The following EEPD1 variants were observed in gnomAD, a reference collection of about 807,000 sequenced individuals.
EEPD1 encodes the protein endonuclease/exonuclease/phosphatase family domain-containing protein 1.
In EEPD1, 17 loss-of-function variants were observed where a neutral mutation model predicts 46.3. That is an observed-to-expected ratio of 0.37 (90% CI 0.25 to 0.55). EEPD1 has a LOEUF of 0.55. EEPD1 is among the 20% of genes least tolerant of loss of function. EEPD1 has a pLI of 0.83. For synonymous variants in EEPD1, 313 were observed against 315.6 expected, an observed-to-expected ratio of 0.99 and a Z score of 0.09; for missense variants, 673 against 745.6, an observed-to-expected ratio of 0.90 and a Z score of 1.13.
At chr7:36,252,832 T>C (rs1301517789) in intron 3 of EEPD1, among the ~76,000 whole-genome samples, 2 of 18,000 alleles carry the variant, frequency 1.1e-4, no homozygotes, top group Non-Finnish European at 3.4e-4. Context: ...TTCTCTCCTT[T>C]TTTTTTTTTT....
At chr7:36,263,572 A>G (rs1786966249) in intron 3 of EEPD1, among the ~76,000 whole-genome samples, 1 of 152,190 alleles carries the variant, frequency 6.6e-6, no homozygotes, top group South Asian at 2.1e-4. Context: ...CAGGGGTCAG[A>G]AGTGTCCAGG....
intron 2 of EEPD1, among the ~76,000 whole-genome samples, chr7:36,222,558 G>A (rs1379178158): frequency 6.6e-6 from 1 of 152,066 alleles, no homozygotes; most frequent in Admixed American, 6.6e-5. Context: ...AATGTTTGTT[G>A]CAGATCCTTC....
intron 3 of EEPD1, among the ~76,000 whole-genome samples, chr7:36,257,194 T>C (rs2115822402): frequency 6.6e-6 from 1 of 152,292 alleles, no homozygotes; most frequent in South Asian, 2.1e-4. Context: ...GGATCAGCTG[T>C]TAGTCTGATG....
chr7:36,189,354 A>G (rs905091074), intron 2 of EEPD1, among the ~76,000 whole-genome samples: 2 of 152,242 alleles, frequency 1.3e-5, no homozygotes, highest in Admixed American at 6.5e-5. Context: ...TCCAAATGCT[A>G]AGAAAAACAA....
chr7:36,293,460 C>A (rs1354108223), intron 6 of EEPD1, among the ~76,000 whole-genome samples: 2 of 152,144 alleles, frequency 1.3e-5, no homozygotes, highest in Non-Finnish European at 2.9e-5. Context: ...GATGCTAAAT[C>A]AGAATCTCTA....
At chr7:36,169,184 A>C (rs971726123) in intron 2 of EEPD1, among the ~76,000 whole-genome samples, 1 of 152,180 alleles carries the variant, frequency 6.6e-6, no homozygotes, top group Non-Finnish European at 1.5e-5. Flanking sequence ...AAGAACATTC[A>C]TGTACAAGTT....
chr7:36,162,171 G>A (rs1171387891), intron 2 of EEPD1, among the ~76,000 whole-genome samples: 1 of 152,166 alleles, frequency 6.6e-6, no homozygotes, highest in African/African-American at 2.4e-5. Flanking sequence ...AATCTTAGCA[G>A]CTTCCTCACC....
chr7:36,194,557 C>T (rs1773408338), intron 2 of EEPD1, among the ~76,000 whole-genome samples: 1 of 152,182 alleles, frequency 6.6e-6, no homozygotes, highest in Admixed American at 6.5e-5. Context: ...CCTAAGTCTT[C>T]TGAATCAAAT....
chr7:36,179,113 T>G (rs1369755658), intron 2 of EEPD1, among the ~76,000 whole-genome samples: 1 of 152,206 alleles, frequency 6.6e-6, no homozygotes, highest in Non-Finnish European at 1.5e-5. Context: ...TTTCCAAACA[T>G]GTATTTAAAA....
chr7:36,168,757 C>CGA (rs1554309696), intron 2 of EEPD1, among the ~76,000 whole-genome samples: 6 of 131,578 alleles, frequency 4.6e-5, no homozygotes, highest in African/African-American at 1.7e-4. Flanking sequence ...GACTCTGTCT[C>CGA]AAAAAAAAAA....
At chr7:36,298,418 A>T (rs1562716993) in intron 7 of EEPD1, among the ~76,000 whole-genome samples, 1 of 152,204 alleles carries the variant, frequency 6.6e-6, no homozygotes, top group African/African-American at 2.4e-5. Context: ...ATCCTGCACT[A>T]AGGACCACAC....
chr7:36,218,737 A>G (rs192336355), intron 2 of EEPD1, among the ~76,000 whole-genome samples: 1 of 152,350 alleles, frequency 6.6e-6, no homozygotes, highest in East Asian at 1.9e-4. Flanking sequence ...CTGCTGTACT[A>G]TGTGAAAATA....
chr7:36,171,708 G>A (rs746094973), intron 2 of EEPD1, among the ~76,000 whole-genome samples: 6 of 152,204 alleles, frequency 3.9e-5, no homozygotes, highest in Non-Finnish European at 8.8e-5. Flanking sequence ...CTTTCACAGT[G>A]AGTAAGTATA....
At chr7:36,231,376 G>T (rs768927444) in intron 2 of EEPD1, among the ~76,000 whole-genome samples, 1 of 152,182 alleles carries the variant, frequency 6.6e-6, no homozygotes. Context: ...AGCTGCTTTT[G>T]TGTGATTTGC....
At chr7:36,282,622 G>A (rs1286528572) in intron 4 of EEPD1, among the ~76,000 whole-genome samples, 1 of 152,244 alleles carries the variant, frequency 6.6e-6, no homozygotes, top group Non-Finnish European at 1.5e-5. Flanking sequence ...GGGAGCGATA[G>A]CCCTTTCTTA....
intron 3 of EEPD1, among the ~76,000 whole-genome samples, chr7:36,272,766 T>C (rs577945662): frequency 2.6e-5 from 4 of 152,318 alleles, no homozygotes; most frequent in Non-Finnish European, 4.4e-5. Flanking sequence ...TGCACCATCA[T>C]GCAGAATGCC....
intron 2 of EEPD1, among the ~76,000 whole-genome samples, chr7:36,198,511 T>G (rs768219312): frequency 2.0e-5 from 3 of 151,276 alleles, no homozygotes; most frequent in Admixed American, 1.3e-4. Flanking sequence ...GATGTCATTA[T>G]GTGGTACGTG....
intron 2 of EEPD1, among the ~76,000 whole-genome samples, chr7:36,172,197 G>A (rs1785096881): frequency 6.6e-6 from 1 of 152,042 alleles, no homozygotes; most frequent in Non-Finnish European, 1.5e-5. Flanking sequence ...ATAATGTTGG[G>A]CGTGTTAAGC....
chr7:36,263,632 G>A (rs986278830), intron 3 of EEPD1, among the ~76,000 whole-genome samples: 2 of 152,216 alleles, frequency 1.3e-5, no homozygotes, highest in South Asian at 2.1e-4. Context: ...AAACCTGGAA[G>A]AGAAGATGTC....
Sources: gnomAD v4.1 joint callset for allele counts (sites outside exome capture counted in the v4.1 genomes callset) on GRCh38, gnomAD v4.1.1 for gene constraint, MANE v1.5 for transcripts, NCBI Gene and HGNC (gene_info 2026-07-23, HGNC 2026-07-21) for gene names.